The following SEMA3A variants were observed in gnomAD, a reference collection of about 807,000 sequenced individuals.
SEMA3A encodes the protein semaphorin-3A.
SEMA3A carries 29 observed loss-of-function variants against 97.9 expected under a neutral mutation model. The observed-to-expected ratio is 0.30, with a 90% CI of 0.22 to 0.40. The LOEUF is 0.40. Ranked by LOEUF, SEMA3A falls within the 10% of genes least tolerant of loss-of-function variation. The pLI is 1.00. For missense variants in SEMA3A, 763 were observed against 951.3 expected, an observed-to-expected ratio of 0.80 and a Z score of 2.60; for synonymous variants, 321 against 323.7, an observed-to-expected ratio of 0.99 and a Z score of 0.09.
intron 1 of SEMA3A, among the ~76,000 whole-genome samples, chr7:84,156,605 G>A (rs1796852297): frequency 6.6e-6 from 1 of 152,038 alleles, no homozygotes. Context: ...TTCTACGTAT[G>A]TGGCATGTTT....
At chr7:84,212,001 C>T (rs759047502) in intron 3 of SEMA3A, among the ~76,000 whole-genome samples, 7 of 152,130 alleles carry the variant, frequency 4.6e-5, no homozygotes, top group East Asian at 1.9e-4. Context: ...TGCATATCCA[C>T]GTAGAAACTG....
chr7:84,156,592 C>T (rs768372863), intron 1 of SEMA3A, among the ~76,000 whole-genome samples: 8 of 152,086 alleles, frequency 5.3e-5, no homozygotes, highest in Non-Finnish European at 1.0e-4. Context: ...ATATACATTC[C>T]GATTCTACGT....
chr7:83,973,158 A>G (rs986379206), intron 15 of SEMA3A, among the ~76,000 whole-genome samples: 1 of 152,138 alleles, frequency 6.6e-6, no homozygotes, highest in African/African-American at 2.4e-5. Flanking sequence ...ATTTGGGTCC[A>G]TTCTGTTCGT....
At chr7:84,424,855 A>G (rs1235495395) in intron 1 of SEMA3A, among the ~76,000 whole-genome samples, 1 of 78,410 alleles carries the variant, frequency 1.3e-5, no homozygotes, top group African/African-American at 5.0e-5. Flanking sequence ...ATATATAAAT[A>G]ATTTATATAA....
chr7:84,420,992 A>G (rs2116278653), intron 1 of SEMA3A, among the ~76,000 whole-genome samples: 1 of 151,970 alleles, frequency 6.6e-6, no homozygotes, highest in South Asian at 2.1e-4. Flanking sequence ...TATCTCCTTC[A>G]GTTCTGCTCT....
At chr7:84,306,622 G>A (rs1801162121) in intron 3 of SEMA3A, 1 of 152,054 alleles carries the variant, frequency 6.6e-6, no homozygotes, top group African/African-American at 2.4e-5. Flanking sequence ...CTTTATGGTT[G>A]AAAAGCATTA....
chr7:84,232,043 T>C (rs1799127501), intron 3 of SEMA3A, among the ~76,000 whole-genome samples: 1 of 151,474 alleles, frequency 6.6e-6, no homozygotes, highest in South Asian at 2.1e-4. Context: ...TATGTATGCA[T>C]GTGTGTGTGT....
At chr7:83,983,068 A>G (rs1312733622) in intron 13 of SEMA3A, among the ~76,000 whole-genome samples, 1 of 152,106 alleles carries the variant, frequency 6.6e-6, no homozygotes, top group African/African-American at 2.4e-5. Context: ...ATTTTTTGCT[A>G]TATTCAACTT....
chr7:84,138,500 G>A (rs1796209628), intron 1 of SEMA3A, among the ~76,000 whole-genome samples: 1 of 152,060 alleles, frequency 6.6e-6, no homozygotes, highest in Non-Finnish European at 1.5e-5. Context: ...CTGTAAATTA[G>A]TTTGGACAGA....
chr7:84,005,312 G>A, intron 11 of SEMA3A, 27 bp downstream of exon 11: 1 of 1,550,850 alleles, frequency 6.4e-7, no homozygotes, highest in Non-Finnish European at 8.9e-7. Context: ...TCGGAAAAAA[G>A]TTTACAGCTG....
rs560795691 is a variant in SEMA3A at position 84,231,533 on chromosome 7, G to C, written c.-82-36865C>G. On this transcript the variant is annotated intron_variant, in intron 3 of 3. Coordinates refer to the SEMA3A transcript ENST00000424555. The stretch of plus-strand genomic sequence containing the variant: ...CAGCATTCTACAACTAAAATAAAAT[G>C]AGACTGTATGTTCCTCATTTAATTT... Among the ~76,000 whole-genome samples the C allele has an allele frequency of 2.6e-4, 39 of 152,078 alleles. 1 individual carries two copies. The highest frequency in any genetic ancestry group is 5.9e-5 in the Non-Finnish European group (4 of 67,940).
At position 84,249,678 on chromosome 7, in the gene SEMA3A, C is replaced by T. The variant is rs142726429; in HGVS notation, c.-82-55010G>A. ...AGAACCATGATTCCAGGTCTTATGT[C>T]ATGTAATATGTGGAATTAGCAGTGC... On this transcript the variant is annotated intron_variant, in intron 3 of 3. Transcript: ENST00000424555. Among the ~76,000 whole-genome samples the T allele has an allele frequency of 4.5e-3, 689 of 151,634 alleles. 5 individuals are homozygous for T. Among genetic ancestry groups the T allele is most frequent in the African/African-American group, 0.015 (627 of 41,352 alleles).
rs376316761 is a variant in SEMA3A, at chr7:84,250,185, AAC to A, written c.-82-55519_-82-55518del. Reference sequence around the variant, plus strand: ...TATAGAAACATATAATTAGGCATAAAACACAATTTCTTATGTATCACTTTATT... The same window carrying A: ...TATAGAAACATATAATTAGGCATAAAACAATTTCTTATGTATCACTTTATT... On this transcript the variant is annotated intron_variant, in intron 3 of 3. Coordinates refer to the SEMA3A transcript ENST00000424555. 2.5e-3 allele frequency among the ~76,000 whole-genome samples: 380 copies of A among 152,182 alleles called. 1 individual carries two copies. Among genetic ancestry groups the A allele is most frequent in the African/African-American group, 8.8e-3 (367 of 41,548 alleles).
chr7:84,010,882 T>C, intron 9 of SEMA3A, 140 bp downstream of exon 9: 1 of 573,148 alleles, frequency 1.7e-6, no homozygotes, highest in Non-Finnish European at 3.1e-6. Context: ...CATAACTTCT[T>C]TCAGTCACCC....
chr7:84,157,528 G>C (rs7791361), intron 1 of SEMA3A, among the ~76,000 whole-genome samples: 30,311 of 152,094 alleles, frequency 0.2, 3,156 homozygotes, highest in South Asian at 0.28. Flanking sequence ...TTAAAAGGTG[G>C]GTGTTGTGTT....
chr7:84,105,686 T>G (rs188102096), intron 4 of SEMA3A, among the ~76,000 whole-genome samples: 1 of 152,228 alleles, frequency 6.6e-6, no homozygotes, highest in Admixed American at 6.5e-5. Flanking sequence ...AATCTGTACT[T>G]CTCCTAAATT....
intron 1 of SEMA3A, among the ~76,000 whole-genome samples, chr7:84,153,670 T>G: frequency 6.6e-6 from 1 of 152,134 alleles, no homozygotes; most frequent in East Asian, 1.9e-4. Flanking sequence ...AATATAGATA[T>G]ACCATTTGAG....
intron 12 of SEMA3A, among the ~76,000 whole-genome samples, chr7:83,998,031 A>G (rs1790289393): frequency 6.6e-6 from 1 of 151,976 alleles, no homozygotes. Flanking sequence ...CCACTGCACA[A>G]TATCTTAAAT....
chr7:84,083,585 C>T (rs1023595979), intron 4 of SEMA3A, among the ~76,000 whole-genome samples: 9 of 151,884 alleles, frequency 5.9e-5, no homozygotes, highest in African/African-American at 7.2e-5. Flanking sequence ...TCCCATTAAC[C>T]ATTCCCTCTT....
Sources: allele counts gnomAD v4.1 joint callset (sites outside exome capture counted in the v4.1 genomes callset), GRCh38; gene constraint gnomAD v4.1.1; transcripts MANE v1.5; gene names NCBI Gene and HGNC (gene_info 2026-07-23, HGNC 2026-07-21).